RAD9B: variants seen among roughly 807,000 people sequenced by gnomAD.
RAD9B encodes the protein RAD9 checkpoint clamp component B.
In RAD9B, 41 loss-of-function variants were observed where a neutral mutation model predicts 48.3. The observed-to-expected ratio is 0.85, with a 90% CI of 0.66 to 1.10. RAD9B has a LOEUF of 1.10. Among genes scored for constraint, RAD9B ranks in the 50% least tolerant of loss-of-function variants. The probability of loss-of-function intolerance (pLI) is 0.00; values close to 1 mark genes in which losing one functional copy is unlikely to be tolerated. For missense variants in RAD9B, 444 were observed against 485.1 expected (o/e 0.92, Z 0.80); for synonymous variants, 160 against 157.9 (o/e 1.01, Z -0.10).
chr12:110,514,875 T>C (rs968734815), intron 5 of RAD9B, among the ~76,000 whole-genome samples, 175 bp from the exon 6 acceptor site: 2 of 152,262 alleles, frequency 1.3e-5, no homozygotes, highest in African/African-American at 4.8e-5. Flanking sequence ...TTTTAAAATA[T>C]GCTGAAAATA....
rs1253893995 is a variant in RAD9B at position 110,531,680 on chromosome 12, A to G, written c.*1027A>G. The G allele has an allele frequency of 1.9e-6, 3 of 1,565,650 alleles. No individual in the cohort carries two copies. Among genetic ancestry groups the G allele is most frequent in the Non-Finnish European group, 2.6e-6 (3 of 1,146,502 alleles). ...AGACAGCCTGAGTTTGGAGTGGAAT[A>G]AGGTGGAAGACAAATGTCTCTGTTC... On this transcript the variant is annotated 3_prime_UTR_variant, in exon 11 of 11. Transcript: ENST00000409300.
At chr12:110,503,924 T>C (rs937370252) in intron 2 of RAD9B, 48 bp downstream of exon 2, 2 of 1,150,868 alleles carry the variant, frequency 1.7e-6, no homozygotes, top group African/African-American at 3.2e-5. Context: ...GAGGAGATGT[T>C]TAAAGATCCC....
intron 4 of RAD9B, among the ~76,000 whole-genome samples, chr12:110,509,213 C>T (rs2063386074): frequency 6.6e-6 from 1 of 151,956 alleles, no homozygotes; most frequent in Non-Finnish European, 1.5e-5. Flanking sequence ...CGTGATCTGC[C>T]CTCCTTGGCC....
chr12:110,532,901 G>C lies in RAD9B; in HGVS notation c.*2248G>C. Among the ~76,000 whole-genome samples, 1 of 152,174 alleles carries C rather than the reference G, an allele frequency of 6.6e-6. No homozygotes were observed. Among genetic ancestry groups the C allele is most frequent in the East Asian group, 1.9e-4 (1 of 5,192 alleles). On this transcript the variant is annotated 3_prime_UTR_variant, in exon 11 of 11. Transcript: ENST00000409300. Reference sequence around the variant, plus strand: ...TAGGCTTGTGTCAGTACACAATGATGAAATTGCTAAGGATGCATCTGTCAG... The same window carrying C: ...TAGGCTTGTGTCAGTACACAATGATCAAATTGCTAAGGATGCATCTGTCAG...
intron 4 of RAD9B, among the ~76,000 whole-genome samples, chr12:110,510,746 G>A (rs1344529154): frequency 6.6e-6 from 1 of 152,156 alleles, no homozygotes; most frequent in Non-Finnish European, 1.5e-5. Flanking sequence ...TCCTCTAAAA[G>A]GACAATAATT....
At chr12:110,502,553 G>A in intron 1 of RAD9B, 170 bp downstream of exon 1, 4 of 685,762 alleles carry the variant, frequency 5.8e-6, no homozygotes. Flanking sequence ...CTGAGGGGAG[G>A]ATGAGGACCC....
intron 3 of RAD9B, among the ~76,000 whole-genome samples, chr12:110,506,141 C>A (rs953117720): frequency 9.9e-5 from 15 of 151,884 alleles, no homozygotes; most frequent in Non-Finnish European, 1.9e-4. Flanking sequence ...CCACCTCGGC[C>A]TCCCAAAGTG....
intron 2 of RAD9B, among the ~76,000 whole-genome samples, chr12:110,504,452 A>G (rs964374633): frequency 1.3e-5 from 2 of 150,594 alleles, no homozygotes; most frequent in Non-Finnish European, 3.0e-5. Flanking sequence ...CAGCCTGGGC[A>G]ACAGAGTGAG....
chr12:110,513,215 G>A (rs1186424147), intron 5 of RAD9B, among the ~76,000 whole-genome samples: 6 of 151,688 alleles, frequency 4.0e-5, no homozygotes, highest in Non-Finnish European at 8.8e-5. Context: ...TGATCCACCT[G>A]CCTTGGCCCC....
intron 9 of RAD9B, among the ~76,000 whole-genome samples, chr12:110,520,628 C>CTTTTTTTTTTTTTTTTTTTTTT (rs71083129): frequency 3.4e-3 from 344 of 99,880 alleles, no homozygotes; most frequent in African/African-American, 5.6e-3. Flanking sequence ...TTCTTGCTTT[C>CTTTTTTTTTTTTTTTTTTTTTT]TTTTTTTTTT....
chr12:110,519,752 C>T, intron 8 of RAD9B, 42 bp from the exon 9 acceptor site: 4 of 1,569,126 alleles, frequency 2.5e-6, no homozygotes, highest in Non-Finnish European at 1.7e-6. Context: ...TAATGTCCAT[C>T]AGAAAATGAG....
At chr12:110,512,439 G>A (rs1022720476) in intron 4 of RAD9B, among the ~76,000 whole-genome samples, 1 of 152,046 alleles carries the variant, frequency 6.6e-6, no homozygotes, top group Non-Finnish European at 1.5e-5. Flanking sequence ...ATGAACCACC[G>A]TGCCTGGCCA....
chr12:110,527,715 A>C (rs1203961016), intron 10 of RAD9B, among the ~76,000 whole-genome samples: 1 of 152,234 alleles, frequency 6.6e-6, no homozygotes, highest in East Asian at 1.9e-4. Context: ...TATAGGTATA[A>C]CATGACTAAA....
In RAD9B at chr12:110,505,759, A is replaced by C. The variant is rs748189995; in HGVS notation, c.260A>C (p.Lys87Thr). 12 of 1,612,182 alleles carry C rather than the reference A, an allele frequency of 7.4e-6. No homozygotes were observed. In the South Asian group the frequency reaches 1.3e-4, roughly 18 times the overall value. Reference protein sequence around the residue: ...ELDTTLHLKCKLGMKSILPIF... With the variant: ...ELDTTLHLKCTLGMKSILPIF... ...GACACAACACTGCATTTAAAATGCA[A>C]ATTGGGAATGAAGGTAAATATAAGT... is the stretch of plus-strand genomic sequence containing the variant. The change falls in exon 3 of 11, where the codon AAA becomes ACA. Residue 87 changes from lysine (K) to threonine (T), a missense_variant. By Grantham distance (78) the Lys-to-Thr change is moderately conservative (BLOSUM62 -1). Coordinates refer to ENST00000409300, the MANE Select transcript of RAD9B (RefSeq NM_001286535.2).
chr12:110,514,064 C>G (rs769187847), intron 5 of RAD9B, among the ~76,000 whole-genome samples: 1 of 150,846 alleles, frequency 6.6e-6, no homozygotes, highest in Non-Finnish European at 1.5e-5. Context: ...TTCCTTGCTT[C>G]CTTCCTTCCT....
chr12:110,525,558 G>T (rs946414239), intron 10 of RAD9B, among the ~76,000 whole-genome samples: 12 of 152,098 alleles, frequency 7.9e-5, no homozygotes, highest in Non-Finnish European at 1.5e-4. Context: ...GGTTCTCTTT[G>T]TACATCGTAT....
At position 110,531,326 on chromosome 12, in the gene RAD9B, G is replaced by T. The variant is rs927617084; in HGVS notation, c.*673G>T. ...TCCTGCCTCAGCCTCCCGTGCAGCT[G>T]GGATTGCAGGTGCGTGCCACCATGC... On this transcript the variant is annotated 3_prime_UTR_variant, in exon 11 of 11. Transcript: ENST00000409300. 11 of 409,634 alleles carry T rather than the reference G, an allele frequency of 2.7e-5. No individual in the cohort carries two copies. The highest frequency in any genetic ancestry group is 4.5e-5 in the Non-Finnish European group (11 of 245,476). 25.4% of individuals were successfully genotyped at this position (409,634 alleles called of 1,614,324 possible). A position where few individuals can be genotyped will look rare whatever the true frequency, so the allele number is the denominator to read the frequency against.
Position 110,530,521 on chromosome 12 carries a change from CCA to C in RAD9B, c.1126-3_1126-2del. The C allele has an allele frequency of 6.2e-7, 1 of 1,611,622 alleles. No homozygotes were observed. Among genetic ancestry groups the C allele is most frequent in the Non-Finnish European group, 8.5e-7 (1 of 1,179,320 alleles). The stretch of plus-strand genomic sequence containing the variant: ...CAACAATGCAGTTCCTTTTTTCCCT[CCA>C]GTTTTCTTGCATGTTCTTTGGAGCA... On this transcript the variant is annotated splice_acceptor_variant and splice_polypyrimidine_tract_variant and intron_variant, in intron 10 of 10. Transcript: ENST00000409300. LOFTEE classifies it high-confidence loss of function.
At chr12:110,521,792 G>A (rs1369891165) in intron 9 of RAD9B, among the ~76,000 whole-genome samples, 1 of 151,938 alleles carries the variant, frequency 6.6e-6, no homozygotes, top group African/African-American at 2.4e-5. Flanking sequence ...TCCTGACCTC[G>A]TGATCCACCC....
Sources: allele counts gnomAD v4.1 joint callset (sites outside exome capture counted in the v4.1 genomes callset), GRCh38; gene constraint gnomAD v4.1.1; transcripts MANE v1.5; gene names NCBI Gene and HGNC (gene_info 2026-07-23, HGNC 2026-07-21).